The following PALD1 variants were observed in gnomAD, a reference collection of about 807,000 sequenced individuals.
PALD1 encodes the protein phosphatase domain containing paladin 1.
PALD1 carries 57 observed loss-of-function variants against 96.0 expected under a neutral mutation model. The observed-to-expected ratio is 0.59, with a 90% confidence interval of 0.48 to 0.74. PALD1 has a LOEUF of 0.74. Ranked by LOEUF, PALD1 falls within the 30% of genes least tolerant of loss-of-function variation. The probability of loss-of-function intolerance (pLI) is 0.00; values close to 1 mark genes in which losing one functional copy is unlikely to be tolerated. For missense variants in PALD1, 1,063 were observed against 1,143.7 expected, an observed-to-expected ratio of 0.93 and a Z score of 1.02; for synonymous variants, 464 against 473.6, an observed-to-expected ratio of 0.98 and a Z score of 0.26.
At position 70,547,391 on chromosome 10, in the gene PALD1, C is replaced by A; in HGVS notation, c.2207C>A (p.Thr736Asn). 3 of 1,613,040 alleles carry A rather than the reference C, an allele frequency of 1.9e-6. No individual in the cohort carries two copies. Among genetic ancestry groups the A allele is most frequent in the Non-Finnish European group, 2.5e-6 (3 of 1,179,468 alleles). The change falls in exon 18 of 20, where the codon ACC (threonine) becomes AAC (asparagine). Residue 736 changes from threonine (T) to asparagine (N), a missense_variant. Coordinates refer to ENST00000263563, the MANE Select transcript of PALD1 (RefSeq NM_014431.3). ...VDAALDTVSE[T>N]MTPMHYHLRE... ...GCAGCGCTGGACACTGTCAGCGAGA[C>A]CATGACGCCCATGCACTACCACCTG... is the stretch of plus-strand genomic sequence containing the variant.
intron 2 of PALD1, among the ~76,000 whole-genome samples, chr10:70,526,828 G>T (rs1325956704): frequency 6.6e-6 from 1 of 152,158 alleles, no homozygotes; most frequent in Non-Finnish European, 1.5e-5. Flanking sequence ...TGCCCACTGT[G>T]CTCCCCTCCT....
chr10:70,556,279 C>CCTCCCTCCCTCCCT (rs527928462), intron 18 of PALD1, among the ~76,000 whole-genome samples: 2 of 128,652 alleles, frequency 1.6e-5, no homozygotes, highest in Admixed American at 7.5e-5. Context: ...GTAGCCGAGA[C>CCTCCCTCCCTCCCT]CTCTCTCTCT....
rs116646402 is a variant in PALD1, at chr10:70,549,108, T to A, written c.2262+1662T>A. On this transcript the variant is annotated intron_variant, in intron 18 of 19. Coordinates refer to ENST00000263563, the MANE Select transcript of PALD1 (RefSeq NM_014431.3). ...GGGGAGGGGAAGGTGGTTAAGGAGT[T>A]TCAGAAGACGGACTTTGGTGAATTT... Among the ~76,000 whole-genome samples the A allele has an allele frequency of 9.7e-3, 1,475 of 151,590 alleles. 24 individuals are homozygous for A. The highest frequency in any genetic ancestry group is 0.033 in the African/African-American group (1,361 of 41,224).
intron 1 of PALD1, among the ~76,000 whole-genome samples, chr10:70,508,351 T>C (rs1001188313): frequency 3.3e-5 from 5 of 152,358 alleles, no homozygotes; most frequent in Admixed American, 3.3e-4. Flanking sequence ...CAAGGCCTGT[T>C]GATGGTGCCC....
rs528526064 is a variant in PALD1 at position 70,492,642 on chromosome 10, A to T, written c.-30+13583A>T. Among the ~76,000 whole-genome samples the T allele has an allele frequency of 3.3e-5, 5 of 151,826 alleles. No individual in the cohort carries two copies. The South Asian group carries it at 8.3e-4, about 25-fold the overall frequency. ...TGGCTAATTTTTGTGTATTTAGTAG[A>T]GATGGGGTTTCACCATGTTGGCCAG... On this transcript the variant is annotated intron_variant, in intron 1 of 19. Transcript: ENST00000263563.
intron 18 of PALD1, among the ~76,000 whole-genome samples, chr10:70,561,520 C>T (rs1847737862): frequency 6.6e-6 from 1 of 152,126 alleles, no homozygotes; most frequent in Admixed American, 6.5e-5. Context: ...GTATTGGCTG[C>T]GGTTTATATT....
At chr10:70,511,070 A>G (rs1263521278) in intron 1 of PALD1, among the ~76,000 whole-genome samples, 2 of 152,190 alleles carry the variant, frequency 1.3e-5, no homozygotes, top group African/African-American at 4.8e-5. Context: ...TTTCACCAGT[A>G]GGGAAACTTG....
Position 70,547,452 on chromosome 10 carries a change from C to CCCCCA in PALD1, c.2262+25_2262+29dup, listed in dbSNP as rs759720612. Reference sequence around the variant, plus strand: ...TCATCTGCACCTACCGCCAGGTGAGCCCCCACCCCACCCCACCCCACCCTG... The same window carrying CCCCCA: ...TCATCTGCACCTACCGCCAGGTGAGCCCCCACCCCACCCCACCCCACCCCACCCTG... On this transcript the variant is annotated splice_region_variant and intron_variant, in intron 18 of 19. Coordinates refer to ENST00000263563, the MANE Select transcript of PALD1 (RefSeq NM_014431.3). 126 of 1,561,828 alleles carry CCCCCA rather than the reference C, an allele frequency of 8.1e-5. No homozygotes were observed. Among genetic ancestry groups the CCCCCA allele is most frequent in the Admixed American group, 2.2e-4 (13 of 58,626 alleles).
chr10:70,523,412 G>A (rs1003737240), intron 1 of PALD1, among the ~76,000 whole-genome samples: 1 of 152,174 alleles, frequency 6.6e-6, no homozygotes, highest in Non-Finnish European at 1.5e-5. Context: ...TCTCCAGGCT[G>A]TTCCCACACA....
the PALD1 span, among the ~76,000 whole-genome samples, chr10:70,459,838 C>G: frequency 2.0e-5 from 3 of 152,108 alleles, no homozygotes; most frequent in African/African-American, 4.8e-5. Flanking sequence ...CATAGGTGAA[C>G]GCCACTCTGC....
intron 1 of PALD1, among the ~76,000 whole-genome samples, chr10:70,509,924 G>A (rs1264593493): frequency 2.0e-5 from 3 of 152,206 alleles, no homozygotes; most frequent in East Asian, 1.9e-4. Context: ...CCGCTGAAAT[G>A]TCTGAAAACC....
upstream of PALD1, among the ~76,000 whole-genome samples, chr10:70,475,525 G>A (rs554105849): frequency 6.7e-6 from 1 of 149,034 alleles, no homozygotes; most frequent in South Asian, 2.2e-4. Context: ...CCACTCCTCA[G>A]GTCCAGTGTC....
At chr10:70,470,924 CCT>C in the PALD1 span, among the ~76,000 whole-genome samples, 1 of 152,122 alleles carries the variant, frequency 6.6e-6, no homozygotes, top group Admixed American at 6.5e-5. Flanking sequence ...GCCTCAGCCC[CCT>C]GAGTAACTGG....
chr10:70,507,056 G>T (rs1449062048), intron 1 of PALD1, among the ~76,000 whole-genome samples: 1 of 152,016 alleles, frequency 6.6e-6, no homozygotes, highest in African/African-American at 2.4e-5. Context: ...CTGCAAAGTT[G>T]ATCCTTTAAA....
At position 70,567,354 on chromosome 10, in the gene PALD1, A is replaced by T. The variant is rs1564716228; in HGVS notation, c.*621A>T. The T allele has an allele frequency of 6.6e-6, 1 of 152,640 alleles. No homozygotes were observed. The highest frequency in any genetic ancestry group is 1.5e-5 in the Non-Finnish European group (1 of 68,138). The allele number at this position is 152,640 out of a possible 1,614,324, so 9.5% of individuals were successfully genotyped here. ...TGGGAGACTTCAGGAATGACAACCT[A>T]CCCAGCCTGGTGGGGCTGGCAGGAT... is the stretch of plus-strand genomic sequence containing the variant. On this transcript the variant is annotated 3_prime_UTR_variant, in exon 20 of 20. Transcript: ENST00000263563.
chr10:70,467,887 T>C, the PALD1 span, among the ~76,000 whole-genome samples: 1 of 151,742 alleles, frequency 6.6e-6, no homozygotes, highest in Non-Finnish European at 1.5e-5. Context: ...ATGGAAGGAG[T>C]GCCCTGGGGC....
chr10:70,538,377 C>G lies in PALD1; in HGVS notation c.1421C>G (p.Ala474Gly). Residue 474 changes from alanine to glycine, a missense_variant, in exon 12 of 20, where the codon GCT (alanine) becomes GGT (glycine). By Grantham distance (60) the Ala-to-Gly change is moderately conservative. Transcript: ENST00000263563. ...ACGCTGAGCTCAGCAGGCCCTGTGGCTCCGAGGGACCTCATCGCCAGGGGC... is the reference window on the plus strand; with the variant it reads ...ACGCTGAGCTCAGCAGGCCCTGTGGGTCCGAGGGACCTCATCGCCAGGGGC... ...PVTLSSAGPV[A>G]PRDLIARGSL... 6.2e-7 allele frequency: 1 copy of G among 1,611,576 alleles called. No individual in the cohort carries two copies. Among genetic ancestry groups the G allele is most frequent in the Non-Finnish European group, 8.5e-7 (1 of 1,179,958 alleles).
intron 9 of PALD1, 44 bp downstream of exon 9, chr10:70,534,568 G>A (rs1488255036): frequency 7.1e-7 from 1 of 1,410,370 alleles, no homozygotes; most frequent in Non-Finnish European, 9.9e-7. Context: ...GTGGTGGAGG[G>A]GACGGTCACT....
At chr10:70,501,813 C>CTGTGTGTGTGTGTGTGTGTGTGTGTG (rs71012209) in intron 1 of PALD1, among the ~76,000 whole-genome samples, 120 of 139,282 alleles carry the variant, frequency 8.6e-4, no homozygotes, top group Admixed American at 1.3e-3. Flanking sequence ...CATTTTTACT[C>CTGTGTGTGTGTGTGTGTGTGTGTGTG]TGTGTGTGTG....
Sources: allele counts gnomAD v4.1 joint callset (sites outside exome capture counted in the v4.1 genomes callset), GRCh38; gene constraint gnomAD v4.1.1; transcripts MANE v1.5; gene names NCBI Gene and HGNC (gene_info 2026-07-23, HGNC 2026-07-21).